The following GRIN2C variants were observed in gnomAD, a reference collection of about 807,000 sequenced individuals.
The protein encoded by GRIN2C is glutamate receptor ionotropic, NMDA 2C.
A neutral mutation model predicts 77.7 loss-of-function variants in GRIN2C; 64 were observed. That is an observed-to-expected ratio of 0.82 (90% CI 0.67 to 1.01). The LOEUF (loss-of-function observed/expected upper bound fraction) is 1.01, where lower values mean the gene tolerates loss of function less well. Ranked by LOEUF, GRIN2C falls within the 50% of genes least tolerant of loss-of-function variation. The probability of loss-of-function intolerance (pLI) is 0.00; values close to 1 mark genes in which losing one functional copy is unlikely to be tolerated. For synonymous variants in GRIN2C, 792 were observed against 643.4 expected (o/e 1.23, Z -3.49); for missense variants, 1,549 against 1,486.0 (o/e 1.04, Z -0.70).
In GRIN2C at chr17:74,846,881, C is replaced by G. The variant is rs1302321128; in HGVS notation, c.2041G>C (p.Gly681Arg). Residue 681 changes from glycine (G) to arginine (R), a missense_variant, in exon 10 of 13, where the codon GGC (glycine) becomes CGC (arginine). Gly to Arg is a moderately radical substitution (Grantham distance 125). Around this residue, in one of 3 missense-constraint regions of GRIN2C, gnomAD observed 717 missense variants for 858.1 expected, o/e 0.84. Transcript: ENST00000293190. This position sits in a 1 kb window ranked among gnomAD's most constrained non-coding sequence, Gnocchi z 4.4. Reference sequence around the variant, plus strand: ...TCCGTGCTGCCGTTGGGCACCGTGCCGAAGCGGAAAGGTGGGTACTGATCT... The same window carrying G: ...TCCGTGCTGCCGTTGGGCACCGTGCGGAAGCGGAAAGGTGGGTACTGATCT... ...PQDQYPPFRF[G>R]TVPNGSTERN... 18 of 1,614,008 alleles carry G rather than the reference C, an allele frequency of 1.1e-5. No individual in the cohort carries two copies. Among genetic ancestry groups the G allele is most frequent in the Non-Finnish European group, 1.4e-5 (17 of 1,179,984 alleles).
Position 74,844,328 on chromosome 17 carries a change from C to T in GRIN2C, c.2531G>A (p.Arg844His), listed in dbSNP as rs1480647979. Residue 844 changes from arginine to histidine, a missense_variant, in exon 12 of 13, where the codon CGC (arginine) becomes CAC (histidine). This residue lies in a region of GRIN2C where 717 missense variants were observed against 858.1 expected (regional missense o/e 0.84). Coordinates refer to ENST00000293190, the MANE Select transcript of GRIN2C (RefSeq NM_000835.6). Reference protein sequence around the residue: ...AWEHLVYWKLRHSVPNSSQLD... With the variant: ...AWEHLVYWKLHHSVPNSSQLD... ...CTGGGATGAGTTGGGCACCGAGTGG[C>T]GCAGCTTCCAGTAGACCAGGTGCTC... The T allele has an allele frequency of 8.1e-6, 13 of 1,613,922 alleles. No individual in the cohort carries two copies. The highest frequency in any genetic ancestry group is 2.7e-5 in the African/African-American group (2 of 74,880).
At position 74,850,319 on chromosome 17, in the gene GRIN2C, C is replaced by A. The variant is rs201869035; in HGVS notation, c.1378G>T (p.Asp460Tyr). The change falls in exon 6 of 13, where the codon GAC (aspartate) becomes TAC (tyrosine). Residue 460 changes from aspartate to tyrosine, a missense_variant. By Grantham distance (160) the Asp-to-Tyr change is radical (BLOSUM62 -3). This residue lies in a region of GRIN2C where 717 missense variants were observed against 858.1 expected (regional missense o/e 0.84). Transcript: ENST00000293190. This position sits in a 1 kb window ranked among gnomAD's most constrained non-coding sequence, Gnocchi z 5.3. ...TKLCCKGFCI[D>Y]ILKKLARVVK... Reference sequence around the variant, plus strand: ...ACTCTGGCCAGCTTCTTGAGGATGTCGATGCAGAATCCCTTACAGCAGAGC... The same window carrying A: ...ACTCTGGCCAGCTTCTTGAGGATGTAGATGCAGAATCCCTTACAGCAGAGC... The A allele has an allele frequency of 5.0e-6, 8 of 1,613,796 alleles. No individual in the cohort carries two copies. Among genetic ancestry groups the A allele is most frequent in the Non-Finnish European group, 6.8e-6 (8 of 1,179,958 alleles).
chr17:74,845,927 C>G, intron 11 of GRIN2C, 139 bp downstream of exon 11: 1 of 763,712 alleles, frequency 1.3e-6, no homozygotes. Flanking sequence ...AGTACCTGCC[C>G]ACCTCAGCTG....
rs867747997 is a variant in GRIN2C at position 74,842,655 on chromosome 17, C to A, written c.3482G>T (p.Trp1161Leu). ...LHAHAHLPFC[W>L]GAVCPHLPPC... ...TGGAAGGTGAGGACAGACAGCCCCC[C>A]AGCAAAATGGCAGGTGGGCGTGGGC... Residue 1161 changes from tryptophan to leucine, a missense_variant, in exon 13 of 13, where the codon TGG becomes TTG. By Grantham distance (61) the Trp-to-Leu change is moderately conservative (BLOSUM62 -2). Transcript: ENST00000293190. 1.3e-6 allele frequency: 1 copy of A among 748,546 alleles called. No homozygotes were observed. The highest frequency in any genetic ancestry group is 1.4e-5 in the South Asian group (1 of 70,738). The allele number at this position is 748,546 out of a possible 1,614,324, so 46.4% of individuals were successfully genotyped here.
intron 1 of GRIN2C, among the ~76,000 whole-genome samples, chr17:74,855,769 GGTCA>G (rs2037803027): frequency 6.6e-6 from 1 of 151,386 alleles, no homozygotes; most frequent in Admixed American, 6.6e-5. Context: ...CTGTGCTACT[GGTCA>G]GTGTGCCCTG....
rs543155326 is a variant in GRIN2C, at chr17:74,847,031, CAGA to C, written c.2002-114_2002-112del. ...CCAGTGTGGACTTGCATAGTCAGAG[CAGA>C]AGGTCTTAAAGGCTGTCCAGGCCAC... On this transcript the variant is annotated intron_variant, in intron 9 of 12. Transcript: ENST00000293190. This position sits in a 1 kb window ranked among gnomAD's most constrained non-coding sequence, Gnocchi z 5.2. 283 of 1,198,440 alleles carry C rather than the reference CAGA, an allele frequency of 2.4e-4. No individual in the cohort carries two copies. In the African/African-American group the frequency reaches 3.6e-3, roughly 15 times the overall value. The allele number at this position is 1,198,440 out of a possible 1,614,324, so 74.2% of individuals were successfully genotyped here. A position where few individuals can be genotyped will look rare whatever the true frequency, so the allele number is the denominator to read the frequency against.
rs141633915 is a variant in GRIN2C at position 74,846,067 on chromosome 17, G to A, written c.2349C>T (p.Asp783=). ...CATCCCAGCAATGGCAGTACCCACC[G>A]TCCCCCAGGAACTGCAAGAGCGCCA... is the stretch of plus-strand genomic sequence containing the variant. The part of the protein sequence containing the change: ...IDLALLQFLG[D]GETQKLETVW... Residue 783 remains aspartate, a splice_region_variant and synonymous_variant, in exon 11 of 13, where the codon GAC becomes GAT. Transcript: ENST00000293190. This position sits in a 1 kb window ranked among gnomAD's most constrained non-coding sequence, Gnocchi z 4.4. 9.6e-5 allele frequency: 155 copies of A among 1,613,678 alleles called. 2 individuals carry two copies. The Admixed American group carries it at 1.2e-3, about 13-fold the overall frequency.
Position 74,850,314 on chromosome 17 carries a change from G to A in GRIN2C, c.1383C>T (p.Ile461=), listed in dbSNP as rs1287862944. 2 of 1,613,724 alleles carry A rather than the reference G, an allele frequency of 1.2e-6. No individual in the cohort carries two copies. Among genetic ancestry groups the A allele is most frequent in the Non-Finnish European group, 1.7e-6 (2 of 1,179,950 alleles). The stretch of plus-strand genomic sequence containing the variant: ...TGACCACTCTGGCCAGCTTCTTGAG[G>A]ATGTCGATGCAGAATCCCTTACAGC... The part of the protein sequence containing the change: ...KLCCKGFCID[I]LKKLARVVKF... The change falls in exon 6 of 13, where the codon ATC becomes ATT. Residue 461 remains isoleucine (I), a synonymous_variant. Transcript: ENST00000293190. This position sits in a 1 kb window ranked among gnomAD's most constrained non-coding sequence, Gnocchi z 5.3.
In GRIN2C at chr17:74,842,587, G is replaced by GC. The variant is rs778431246; in HGVS notation, c.3549dup (p.Pro1184AlafsTer95). On this transcript the variant is annotated frameshift_variant, in exon 13 of 13. Coordinates refer to ENST00000293190, the MANE Select transcript of GRIN2C (RefSeq NM_000835.6). LOFTEE classifies it high-confidence loss of function. ...AGAGTCCTGCCCCTGTGCCCCAGAG[G>GC]CCCCCAGGCCCCGGAGAGCCAGGAG... The GC allele has an allele frequency of 2.6e-6, 2 of 769,700 alleles. No individual in the cohort carries two copies. The highest frequency in any genetic ancestry group is 3.5e-5 in the Admixed American group (2 of 57,638). 47.7% of individuals were successfully genotyped at this position (769,700 alleles called of 1,614,324 possible).
Position 74,844,574 on chromosome 17 carries a change from TCAC to T in GRIN2C, c.2351-69_2351-67del, listed in dbSNP as rs201650252. The T allele has an allele frequency of 1.6e-3, 2,453 of 1,569,478 alleles. 28 individuals carry two copies. In the African/African-American group the frequency reaches 0.027, roughly 17 times the overall value. Reference sequence around the variant, plus strand: ...CCTATAAGCAACCCCCTCACAAAGCTCACCACAAACCTGGAGTAAGAAGGGATC... The same window carrying T: ...CCTATAAGCAACCCCCTCACAAAGCTCACAAACCTGGAGTAAGAAGGGATC... On this transcript the variant is annotated intron_variant, in intron 11 of 12. Transcript: ENST00000293190.
chr17:74,851,403 C>G, intron 4 of GRIN2C, 174 bp downstream of exon 4: 1 of 579,320 alleles, frequency 1.7e-6, no homozygotes. Context: ...GCACCTCACC[C>G]ACCCCGGGGC....
At position 74,847,952 on chromosome 17, in the gene GRIN2C, C is replaced by T; in HGVS notation, c.1671G>A (p.Val557=). Residue 557 remains valine (V), a synonymous_variant, in exon 8 of 13, where the codon GTG becomes GTA. Transcript: ENST00000293190. This position sits in a 1 kb window ranked among gnomAD's most constrained non-coding sequence, Gnocchi z 5.2. ...FLEPYSPAVW[V]MMFVMCLTVV... is the part of the protein sequence containing the mutation. ...CAGTGAGGCACATGACAAACATCAT[C>T]ACCCACACTGCAGGGCTATATGGCT... is the stretch of plus-strand genomic sequence containing the variant. 1 of 1,614,108 alleles carries T rather than the reference C, an allele frequency of 6.2e-7. No homozygotes were observed. The highest frequency in any genetic ancestry group is 8.5e-7 in the Non-Finnish European group (1 of 1,179,974).
intron 1 of GRIN2C, among the ~76,000 whole-genome samples, 174 bp from the exon 2 acceptor site, chr17:74,855,281 G>A (rs563683329): frequency 6.6e-6 from 1 of 152,322 alleles, no homozygotes; most frequent in African/African-American, 2.4e-5. Flanking sequence ...CGGACAAAGA[G>A]AAAGAGACAG....
chr17:74,846,121 CT>C lies in GRIN2C; in HGVS notation c.2294del (p.Lys765ArgfsTer9), dbSNP rs746252860. 5 of 1,614,110 alleles carry C rather than the reference CT, an allele frequency of 3.1e-6. No homozygotes were observed. Among genetic ancestry groups the C allele is most frequent in the Non-Finnish European group, 4.2e-6 (5 of 1,179,946 alleles). On this transcript the variant is annotated frameshift_variant, in exon 11 of 13. Transcript: ENST00000293190. LOFTEE classifies it high-confidence loss of function. This position sits in a 1 kb window ranked among gnomAD's most constrained non-coding sequence, Gnocchi z 4.4. ...ATTGYGIAMQKDSHWKRAIDL... is the reference protein window; with the variant it reads ...ATTGYGIAMQXDSHWKRAIDL... ...CTATGGCCCGCTTCCAGTGGGAGTC[CT>C]TCTGCATGGCGATGCCGTAGCCAGT...
chr17:74,846,302 G>A lies in GRIN2C; in HGVS notation c.2163-49C>T. 1.9e-6 allele frequency: 3 copies of A among 1,553,834 alleles called. No homozygotes were observed. Among genetic ancestry groups the A allele is most frequent in the Non-Finnish European group, 1.8e-6 (2 of 1,128,218 alleles). ...GCTAGGGACCATATGGGAGGGGAGGGGACACCGAAACTGGGGCGTGACAGG... is the reference window on the plus strand; with the variant it reads ...GCTAGGGACCATATGGGAGGGGAGGAGACACCGAAACTGGGGCGTGACAGG... On this transcript the variant is annotated intron_variant, in intron 10 of 12. Transcript: ENST00000293190. The surrounding 1 kb of genome is among the most constrained non-coding windows in gnomAD (Gnocchi z 4.4).
rs1318010003 is a variant in GRIN2C at position 74,859,255 on chromosome 17, G to A, written c.-16+489C>T. ...ACAGAGATCCCCAAAGAGCCCCAGA[G>A]AGGATGGCAGTGGTCAGTCCTGCAG... is the stretch of plus-strand genomic sequence containing the variant. On this transcript the variant is annotated intron_variant, in intron 1 of 12. Transcript: ENST00000293190. This position sits in a 1 kb window ranked among gnomAD's most constrained non-coding sequence, Gnocchi z 5.9. Among the ~76,000 whole-genome samples, 1 of 152,184 alleles carries A rather than the reference G, an allele frequency of 6.6e-6. No individual in the cohort carries two copies. The highest frequency in any genetic ancestry group is 1.5e-5 in the Non-Finnish European group (1 of 68,034).
In GRIN2C at chr17:74,847,279, C is replaced by T. The variant is rs370066897; in HGVS notation, c.2001+29G>A. The T allele has an allele frequency of 1.8e-6, 2 of 1,111,812 alleles. No homozygotes were observed. Among genetic ancestry groups the T allele is most frequent in the South Asian group, 1.2e-5 (1 of 80,968 alleles). The allele number at this position is 1,111,812 out of a possible 1,614,324, so 68.9% of individuals were successfully genotyped here. ...CCTGTCCCCACCCTCAGTGCCCCCC[C>T]CCACCCCCAGCAGCTATGGCCCCAC... On this transcript the variant is annotated intron_variant, in intron 9 of 12. Coordinates refer to ENST00000293190, the MANE Select transcript of GRIN2C (RefSeq NM_000835.6). This position sits in a 1 kb window ranked among gnomAD's most constrained non-coding sequence, Gnocchi z 5.2.
rs752635107 is a variant in GRIN2C, at chr17:74,849,883, C to T, written c.1542G>A (p.Glu514=). 6.2e-7 allele frequency: 1 copy of T among 1,613,858 alleles called. No individual in the cohort carries two copies. Among genetic ancestry groups the T allele is most frequent in the Non-Finnish European group, 8.5e-7 (1 of 1,179,896 alleles). ...AGAAGTCTACGATCTCGGAGCGTTC[C>T]TCATTGATGGTGAGGGAGCCGATGG... The part of the protein sequence containing the change: ...DMAIGSLTIN[E]ERSEIVDFSV... Residue 514 remains glutamate (E), a synonymous_variant, in exon 7 of 13, where the codon GAG becomes GAA. Transcript: ENST00000293190. The surrounding 1 kb of genome is among the most constrained non-coding windows in gnomAD (Gnocchi z 4.6).
chr17:74,855,245 C>T (rs1212939363), intron 1 of GRIN2C, 138 bp from the exon 2 acceptor site: 3 of 648,944 alleles, frequency 4.6e-6, no homozygotes, highest in East Asian at 2.8e-5. Context: ...CGAAGAGAGG[C>T]GGAGAGAGAG....
Sources: gnomAD v4.1 joint callset for allele counts (sites outside exome capture counted in the v4.1 genomes callset) on GRCh38, gnomAD v4.1.1 for gene constraint, gnomAD v4.1.1 regional missense constraint, Gnocchi (gnomAD v3.1) non-coding constraint, MANE v1.5 for transcripts, NCBI Gene and HGNC (gene_info 2026-07-23, HGNC 2026-07-21) for gene names.